Variants in EPHA6 observed in about 807,000 individuals in gnomAD.
The protein encoded by EPHA6 is ephrin type-A receptor 6.
In EPHA6, 50 loss-of-function variants were observed where a neutral mutation model predicts 112.0. The observed-to-expected ratio is 0.45, with a 90% confidence interval of 0.36 to 0.56. The LOEUF is 0.56. Among genes scored for constraint, EPHA6 ranks in the 20% least tolerant of loss-of-function variants. The probability of loss-of-function intolerance (pLI) is 0.00; values close to 1 mark genes in which losing one functional copy is unlikely to be tolerated. For synonymous variants in EPHA6, 529 were observed against 490.7 expected (o/e 1.08, Z -1.03); for missense variants, 1,280 against 1,417.4 (o/e 0.90, Z 1.56).
intron 14 of EPHA6, among the ~76,000 whole-genome samples, chr3:97,693,684 T>G (rs893783746): frequency 6.6e-5 from 10 of 152,056 alleles, no homozygotes; most frequent in African/African-American, 2.4e-4. Flanking sequence ...GGCGGGCGCC[T>G]GTAGTCCCAG....
At chr3:97,449,420 A>G (rs1026118434) in intron 7 of EPHA6, among the ~76,000 whole-genome samples, 2 of 152,148 alleles carry the variant, frequency 1.3e-5, no homozygotes, top group African/African-American at 4.8e-5. Context: ...GGTCAAATAT[A>G]TAAGAAAAAT....
intron 3 of EPHA6, among the ~76,000 whole-genome samples, chr3:97,041,401 C>T (rs1215816998): frequency 6.6e-6 from 1 of 152,062 alleles, no homozygotes; most frequent in Non-Finnish European, 1.5e-5. Context: ...TTCCTGGAAG[C>T]ACTGACTGCT....
At chr3:97,074,152 C>T (rs1411365364) in intron 3 of EPHA6, among the ~76,000 whole-genome samples, 1 of 151,600 alleles carries the variant, frequency 6.6e-6, no homozygotes, top group East Asian at 1.9e-4. Flanking sequence ...TTTGCCATTC[C>T]CTGTCTTGGT....
At chr3:96,839,232 C>A (rs1031488451) in intron 1 of EPHA6, among the ~76,000 whole-genome samples, 12 of 152,076 alleles carry the variant, frequency 7.9e-5, no homozygotes, top group Non-Finnish European at 2.9e-5. Context: ...AGGAGGTGAG[C>A]ATTGGGCAAG....
rs545405323 is a variant in EPHA6 at position 97,751,990 on chromosome 3, GTATT to G, written c.*3292_*3295del. 5.3e-3 allele frequency among the ~76,000 whole-genome samples: 803 copies of G among 152,248 alleles called. 5 individuals carry two copies. Among genetic ancestry groups the G allele is most frequent in the African/African-American group, 0.018 (762 of 41,574 alleles). ...ATGTACAATCAAGGAGAGAGATAAA[GTATT>G]TAAATCATTTTAAAAAGCAATCAAA... On this transcript the variant is annotated 3_prime_UTR_variant, in exon 18 of 18. Coordinates refer to ENST00000389672, the MANE Select transcript of EPHA6 (RefSeq NM_001080448.3).
intron 13 of EPHA6, among the ~76,000 whole-genome samples, chr3:97,613,497 A>C (rs2093737599): frequency 6.6e-6 from 1 of 152,168 alleles, no homozygotes; most frequent in South Asian, 2.1e-4. Context: ...ACTAAGTACA[A>C]GATTACATCT....
chr3:97,546,547 G>C (rs766737242), intron 11 of EPHA6, among the ~76,000 whole-genome samples: 27 of 151,930 alleles, frequency 1.8e-4, no homozygotes, highest in Non-Finnish European at 3.7e-4. Context: ...TGTGTCTTGG[G>C]GTTGCTCTTC....
chr3:97,134,899 C>T (rs577357928), intron 3 of EPHA6, among the ~76,000 whole-genome samples: 11 of 152,168 alleles, frequency 7.2e-5, no homozygotes, highest in Admixed American at 5.2e-4. Flanking sequence ...ATCTTCTGTC[C>T]TCTGATAAGG....
At chr3:97,718,201 G>C (rs1403245445) in intron 14 of EPHA6, among the ~76,000 whole-genome samples, 2 of 152,198 alleles carry the variant, frequency 1.3e-5, no homozygotes, top group African/African-American at 4.8e-5. Flanking sequence ...AGAGCCACAA[G>C]ACTGAGGCAC....
Position 97,095,013 on chromosome 3 carries a change from A to G in EPHA6, c.1114+107020A>G, listed in dbSNP as rs1487583579. ...TCTTATCTTTAAGATGGAGAGAAAA[A>G]TGATCCCCATCGCCTATGATTAGTG... On this transcript the variant is annotated intron_variant, in intron 3 of 17. Coordinates refer to ENST00000389672, the MANE Select transcript of EPHA6 (RefSeq NM_001080448.3). Among the ~76,000 whole-genome samples the G allele has an allele frequency of 1.3e-5, 2 of 152,076 alleles. 1 individual carries two copies. The highest frequency in any genetic ancestry group is 1.3e-4 in the Admixed American group (2 of 15,238).
intron 2 of EPHA6, among the ~76,000 whole-genome samples, chr3:96,937,099 A>G (rs2040631153): frequency 6.6e-6 from 1 of 152,190 alleles, no homozygotes; most frequent in Non-Finnish European, 1.5e-5. Flanking sequence ...TAGCAGCACG[A>G]TTTATAATCC....
At chr3:97,268,073 T>C (rs1186974291) in intron 5 of EPHA6, among the ~76,000 whole-genome samples, 1 of 152,210 alleles carries the variant, frequency 6.6e-6, no homozygotes, top group Non-Finnish European at 1.5e-5. Flanking sequence ...TGATTCATCA[T>C]ACAAAGAGTG....
intron 11 of EPHA6, among the ~76,000 whole-genome samples, chr3:97,584,538 TTGGTACCA>T (rs1181842660): frequency 6.6e-6 from 1 of 152,200 alleles, no homozygotes; most frequent in Non-Finnish European, 1.5e-5. Flanking sequence ...GCATTTGAGT[TTGGTACCA>T]TGAAATTGTA....
At chr3:96,982,702 G>T (rs1473196206) in intron 2 of EPHA6, among the ~76,000 whole-genome samples, 1 of 152,176 alleles carries the variant, frequency 6.6e-6, no homozygotes, top group Non-Finnish European at 1.5e-5. Flanking sequence ...TATCTTTGTA[G>T]ATCTCAAAGG....
chr3:97,153,856 G>A (rs1019835664), intron 3 of EPHA6, among the ~76,000 whole-genome samples: 2 of 152,010 alleles, frequency 1.3e-5, no homozygotes, highest in African/African-American at 4.8e-5. Flanking sequence ...AGTGAACACT[G>A]ATACTTCCTA....
intron 5 of EPHA6, among the ~76,000 whole-genome samples, chr3:97,362,374 A>G (rs1250707021): frequency 6.6e-6 from 1 of 152,130 alleles, no homozygotes; most frequent in African/African-American, 2.4e-5. Context: ...CTCAATCTTT[A>G]TTATTAAAGA....
intron 5 of EPHA6, among the ~76,000 whole-genome samples, chr3:97,274,508 T>C (rs1157025394): frequency 4.6e-5 from 7 of 152,074 alleles, no homozygotes; most frequent in Middle Eastern, 3.2e-3. Context: ...TACAACAGCA[T>C]GGTGGTGCAG....
intron 3 of EPHA6, among the ~76,000 whole-genome samples, chr3:97,122,906 T>C (rs1026225293): frequency 2.0e-5 from 3 of 152,072 alleles, no homozygotes; most frequent in Non-Finnish European, 4.4e-5. Context: ...TGAGGTTATT[T>C]AATGTTGGAG....
intron 6 of EPHA6, among the ~76,000 whole-genome samples, chr3:97,415,501 C>G (rs2088055157): frequency 6.6e-6 from 1 of 151,992 alleles, no homozygotes; most frequent in Admixed American, 6.6e-5. Flanking sequence ...AGGCAAGATA[C>G]ATGTTGAGAT....
Sources: allele counts gnomAD v4.1 joint callset (sites outside exome capture counted in the v4.1 genomes callset), GRCh38; gene constraint gnomAD v4.1.1; transcripts MANE v1.5; gene names NCBI Gene and HGNC (gene_info 2026-07-23, HGNC 2026-07-21).